Variants in ADCY8 observed in about 807,000 individuals in gnomAD.
ADCY8 encodes adenylate cyclase type 8.
A neutral mutation model predicts 119.7 loss-of-function variants in ADCY8; 51 were observed. The ratio of observed to expected loss-of-function variants is 0.43; its 90% CI spans 0.34 to 0.54. The LOEUF (loss-of-function observed/expected upper bound fraction) is 0.54. ADCY8 is among the 20% of genes least tolerant of loss of function. The pLI is 0.03. For synonymous variants in ADCY8, 665 were observed against 651.0 expected (o/e 1.02, Z -0.33); for missense variants, 1,383 against 1,598.8 (o/e 0.87, Z 2.30).
intron 1 of ADCY8, among the ~76,000 whole-genome samples, chr8:131,031,970 C>T (rs955896612): frequency 6.6e-6 from 1 of 152,058 alleles, no homozygotes; most frequent in Non-Finnish European, 1.5e-5. Flanking sequence ...GTGCATTCAG[C>T]GTGTAATCAC....
chr8:130,894,371 G>A (rs965577982), intron 7 of ADCY8, among the ~76,000 whole-genome samples: 38 of 152,098 alleles, frequency 2.5e-4, no homozygotes, highest in African/African-American at 8.9e-4. Context: ...ATTATCCCGC[G>A]TGTTTATTTC....
chr8:130,918,678 A>C (rs767093841), intron 5 of ADCY8, among the ~76,000 whole-genome samples: 1 of 152,208 alleles, frequency 6.6e-6, no homozygotes, highest in Admixed American at 6.5e-5. Flanking sequence ...ATTATTTTAG[A>C]GAGTATGGAG....
At chr8:131,028,765 G>C (rs188068073) in intron 1 of ADCY8, among the ~76,000 whole-genome samples, 1 of 152,088 alleles carries the variant, frequency 6.6e-6, no homozygotes, top group Non-Finnish European at 1.5e-5. Context: ...CATTTTTTAC[G>C]CTTAGGAAAG....
At chr8:130,921,277 G>T (rs1387163380) in intron 5 of ADCY8, among the ~76,000 whole-genome samples, 1 of 151,902 alleles carries the variant, frequency 6.6e-6, no homozygotes. Flanking sequence ...TCCAGCAGGG[G>T]TAGCTAAAAA....
chr8:130,826,683 CCT>C (rs1460688105), intron 12 of ADCY8, among the ~76,000 whole-genome samples: 5 of 151,892 alleles, frequency 3.3e-5, no homozygotes, highest in African/African-American at 1.2e-4. Flanking sequence ...AGCCTGGAGA[CCT>C]CTGAGAAGCC....
chr8:130,989,036 G>A (rs1384853150), intron 2 of ADCY8, among the ~76,000 whole-genome samples: 7 of 152,152 alleles, frequency 4.6e-5, no homozygotes, highest in Non-Finnish European at 8.8e-5. Context: ...TTTTGCACAC[G>A]AACATAATAC....
At chr8:130,906,524 G>A (rs1819791526) in intron 6 of ADCY8, among the ~76,000 whole-genome samples, 2 of 152,178 alleles carry the variant, frequency 1.3e-5, no homozygotes, top group African/African-American at 4.8e-5. Context: ...CTGCTGAAGT[G>A]CTAATCAATA....
chr8:130,844,511 T>C (rs1032573825), intron 11 of ADCY8, among the ~76,000 whole-genome samples: 5 of 152,170 alleles, frequency 3.3e-5, no homozygotes, highest in African/African-American at 1.2e-4. Flanking sequence ...AGGTATACAT[T>C]TGAAGAAACT....
intron 1 of ADCY8, among the ~76,000 whole-genome samples, chr8:131,006,171 C>A (rs1298718831): frequency 6.6e-6 from 1 of 152,152 alleles, no homozygotes; most frequent in African/African-American, 2.4e-5. Context: ...ACATTTCCTG[C>A]CAGCAAACTG....
chr8:130,927,366 A>C (rs1039263792), intron 5 of ADCY8, among the ~76,000 whole-genome samples: 4 of 152,180 alleles, frequency 2.6e-5, no homozygotes, highest in African/African-American at 7.2e-5. Context: ...TTTTTAAAAA[A>C]TATACCTGTT....
chr8:130,936,259 A>T (rs1287650811), intron 5 of ADCY8, among the ~76,000 whole-genome samples: 1 of 152,138 alleles, frequency 6.6e-6, no homozygotes, highest in Admixed American at 6.6e-5. Flanking sequence ...CTAGTTCCAG[A>T]GTCCTCAACC....
chr8:130,960,853 G>A (rs1821580050), intron 2 of ADCY8, among the ~76,000 whole-genome samples: 1 of 152,126 alleles, frequency 6.6e-6, no homozygotes, highest in South Asian at 2.1e-4. Flanking sequence ...TGTCTTCTTG[G>A]AGGATATGAA....
chr8:130,999,923 G>T (rs1282483533), intron 1 of ADCY8, among the ~76,000 whole-genome samples: 2 of 152,146 alleles, frequency 1.3e-5, no homozygotes, highest in Non-Finnish European at 2.9e-5. Flanking sequence ...CTTTTACCCT[G>T]GTTTGTCCTT....
At chr8:130,944,520 A>G (rs1821051648) in intron 3 of ADCY8, among the ~76,000 whole-genome samples, 1 of 152,208 alleles carries the variant, frequency 6.6e-6, no homozygotes, top group African/African-American at 2.4e-5. Context: ...TGAAATAGGT[A>G]ATTGGGCTAG....
intron 2 of ADCY8, among the ~76,000 whole-genome samples, chr8:130,972,200 A>G (rs942961160): frequency 3.3e-5 from 5 of 152,314 alleles, no homozygotes; most frequent in Non-Finnish European, 7.4e-5. Context: ...ATTACCAACC[A>G]TACTTTTATT....
intron 12 of ADCY8, among the ~76,000 whole-genome samples, chr8:130,829,002 G>C (rs1210078184): frequency 6.6e-6 from 1 of 152,160 alleles, no homozygotes; most frequent in African/African-American, 2.4e-5. Context: ...TTTTGGCTGG[G>C]GGAGCCAGGC....
At chr8:131,017,833 A>C (rs1020330052) in intron 1 of ADCY8, among the ~76,000 whole-genome samples, 9 of 152,192 alleles carry the variant, frequency 5.9e-5, no homozygotes, top group African/African-American at 2.2e-4. Flanking sequence ...GAAAAAAAAA[A>C]AATCCCACTA....
chr8:130,879,513 T>G (rs2130441281), intron 8 of ADCY8, among the ~76,000 whole-genome samples: 1 of 152,310 alleles, frequency 6.6e-6, no homozygotes, highest in African/African-American at 2.4e-5. Flanking sequence ...TTTTTAAAAG[T>G]GTAAGCACAA....
intron 6 of ADCY8, among the ~76,000 whole-genome samples, chr8:130,907,453 G>T (rs1819825427): frequency 6.6e-6 from 1 of 152,174 alleles, no homozygotes; most frequent in Non-Finnish European, 1.5e-5. Flanking sequence ...ACATGCCATG[G>T]CTAAGCAGAG....
Sources: allele counts gnomAD v4.1 joint callset (sites outside exome capture counted in the v4.1 genomes callset), GRCh38; gene constraint gnomAD v4.1.1; transcripts MANE v1.5; gene names NCBI Gene and HGNC (gene_info 2026-07-23, HGNC 2026-07-21).